The following OSBPL5 variants were observed in gnomAD, a reference collection of about 807,000 sequenced individuals.
OSBPL5 encodes oxysterol binding protein like 5.
A neutral mutation model predicts 111.2 loss-of-function variants in OSBPL5; 71 were observed. The ratio of observed to expected loss-of-function variants is 0.64; its 90% confidence interval spans 0.53 to 0.78. The LOEUF (loss-of-function observed/expected upper bound fraction) is 0.78, where lower values mean the gene tolerates loss of function less well. Among genes scored for constraint, OSBPL5 ranks in the 30% least tolerant of loss-of-function variants. The pLI, the probability that OSBPL5 is intolerant of heterozygous loss-of-function variation, is 0.00. For missense variants in OSBPL5, 1,210 were observed against 1,189.3 expected (o/e 1.02, Z -0.26); for synonymous variants, 549 against 513.9 (o/e 1.07, Z -0.93).
chr11:3,106,805 A>T lies in OSBPL5; in HGVS notation c.1059+458T>A, dbSNP rs187663555. Among the ~76,000 whole-genome samples, 2 of 152,186 alleles carry T rather than the reference A, an allele frequency of 1.3e-5. No individual in the cohort carries two copies. Among genetic ancestry groups the T allele is most frequent in the Admixed American group, 6.5e-5 (1 of 15,286 alleles). ...CCCATACACTGGGGGCCCAGAGCCC[A>T]GGTCTGTCTCATTCATGGCTCTCCC... On this transcript the variant is annotated intron_variant, in intron 9 of 21. Coordinates refer to ENST00000263650, the MANE Select transcript of OSBPL5 (RefSeq NM_020896.4). The surrounding 1 kb of genome is among the most constrained non-coding windows in gnomAD (Gnocchi z 8.4).
chr11:3,149,524 G>T (rs1316655231), intron 1 of OSBPL5, among the ~76,000 whole-genome samples: 1 of 152,224 alleles, frequency 6.6e-6, no homozygotes. Flanking sequence ...TGTGCCTGTG[G>T]CAGGGGTGCC....
chr11:3,143,398 G>A (rs970960925), intron 1 of OSBPL5, among the ~76,000 whole-genome samples: 4 of 152,188 alleles, frequency 2.6e-5, no homozygotes, highest in African/African-American at 7.2e-5. Context: ...GGTGGTCCGC[G>A]CACGCACGCT....
intron 1 of OSBPL5, among the ~76,000 whole-genome samples, chr11:3,153,309 C>G (rs2134547431): frequency 6.6e-6 from 1 of 152,330 alleles, no homozygotes; most frequent in East Asian, 1.9e-4. Context: ...TCAAAATTAG[C>G]TGTTATAATG....
rs1054476237 is a variant in OSBPL5, at chr11:3,110,845, T to C, written c.692-2900A>G. On this transcript the variant is annotated intron_variant, in intron 7 of 21. Transcript: ENST00000263650. This position sits in a 1 kb window ranked among gnomAD's most constrained non-coding sequence, Gnocchi z 5.3. ...TGTTCATCTTACATATGTTGGTTAATGTCTCATGTCTCCCTAAAACCAAAC... is the reference window on the plus strand; with the variant it reads ...TGTTCATCTTACATATGTTGGTTAACGTCTCATGTCTCCCTAAAACCAAAC... 6.6e-6 allele frequency among the ~76,000 whole-genome samples: 1 copy of C among 152,304 alleles called. No homozygotes were observed. The highest frequency in any genetic ancestry group is 3.4e-3 in the Middle Eastern group (1 of 294).
chr11:3,134,569 C>T (rs1406307479), intron 1 of OSBPL5, among the ~76,000 whole-genome samples: 2 of 152,210 alleles, frequency 1.3e-5, no homozygotes, highest in African/African-American at 4.8e-5. Flanking sequence ...CCTGCCCAGC[C>T]GCTCTTCTCA....
At chr11:3,091,955 C>T (rs559063822) in intron 19 of OSBPL5, among the ~76,000 whole-genome samples, 1 of 152,158 alleles carries the variant, frequency 6.6e-6, no homozygotes, top group Admixed American at 6.5e-5. Flanking sequence ...TTTGGCGCCA[C>T]CTGGTGGCCG....
In OSBPL5 at chr11:3,106,454, G is replaced by A. The variant is rs1012981215; in HGVS notation, c.1059+809C>T. 2.1e-5 allele frequency among the ~76,000 whole-genome samples: 3 copies of A among 144,558 alleles called. No individual in the cohort carries two copies. The highest frequency in any genetic ancestry group is 2.4e-4 in the South Asian group (1 of 4,178). 94.8% of individuals were successfully genotyped at this position (144,558 alleles called of 152,430 possible). Reference sequence around the variant, plus strand: ...AGCCCGGCTTCCTCAGCCTGCACCCGTCACCCAGCGGAAGCTTAGATCCTG... The same window carrying A: ...AGCCCGGCTTCCTCAGCCTGCACCCATCACCCAGCGGAAGCTTAGATCCTG... On this transcript the variant is annotated intron_variant, in intron 9 of 21. Transcript: ENST00000263650. The surrounding 1 kb of genome is among the most constrained non-coding windows in gnomAD (Gnocchi z 8.4).
chr11:3,163,539 G>A (rs1344588534), intron 1 of OSBPL5, among the ~76,000 whole-genome samples: 2 of 151,776 alleles, frequency 1.3e-5, no homozygotes, highest in Non-Finnish European at 2.9e-5. Context: ...TGGGGGGGGC[G>A]GTCTTGCGTT....
Position 3,119,589 on chromosome 11 carries a change from G to T in OSBPL5, c.649C>A (p.Pro217Thr). 6.3e-7 allele frequency: 1 copy of T among 1,577,992 alleles called. No homozygotes were observed. Among genetic ancestry groups the T allele is most frequent in the Non-Finnish European group, 8.6e-7 (1 of 1,166,650 alleles). ...GCCCTGAAGATCAGGTAGCTGCTGG[G>T]CAGGGGCTGTGTGATGGAGCCCACG... ...ESVGSITQPLPSSYLIFRAAS... is the reference protein window; with the variant it reads ...ESVGSITQPLTSSYLIFRAAS... The change falls in exon 7 of 22, where the codon CCC (proline) becomes ACC (threonine). Residue 217 changes from proline (P) to threonine (T), a missense_variant. Coordinates refer to ENST00000263650, the MANE Select transcript of OSBPL5 (RefSeq NM_020896.4).
At chr11:3,155,615 C>T (rs547344370) in intron 1 of OSBPL5, among the ~76,000 whole-genome samples, 1 of 150,468 alleles carries the variant, frequency 6.6e-6, no homozygotes, top group East Asian at 2.0e-4. Flanking sequence ...TGCCACTCAC[C>T]CCAGGTCTGC....
intron 14 of OSBPL5, among the ~76,000 whole-genome samples, chr11:3,097,362 A>G (rs1857310415): frequency 6.6e-6 from 1 of 152,134 alleles, no homozygotes; most frequent in African/African-American, 2.4e-5. Flanking sequence ...GGGAGAGTCA[A>G]GGAAACATTT....
Position 3,110,539 on chromosome 11 carries a change from A to G in OSBPL5, c.692-2594T>C, listed in dbSNP as rs536920363. Among the ~76,000 whole-genome samples, 5 of 152,276 alleles carry G rather than the reference A, an allele frequency of 3.3e-5. No homozygotes were observed. Among genetic ancestry groups the G allele is most frequent in the Admixed American group, 3.3e-4 (5 of 15,294 alleles). On this transcript the variant is annotated intron_variant, in intron 7 of 21. Transcript: ENST00000263650. The surrounding 1 kb of genome is among the most constrained non-coding windows in gnomAD (Gnocchi z 5.3). ...GTCTAATGTGGATGATAACAGTAGA[A>G]CCTGTTGTTTCAATGGTGCCTGGTG...
chr11:3,112,045 G>A (rs1323122252), intron 7 of OSBPL5, among the ~76,000 whole-genome samples: 6 of 66,548 alleles, frequency 9.0e-5, no homozygotes, highest in African/African-American at 2.0e-4. Flanking sequence ...ATGTGTGCGC[G>A]CATGTGTGTG....
In OSBPL5 at chr11:3,146,976, G is replaced by A. The variant is rs902505682; in HGVS notation, c.-21-17807C>T. Among the ~76,000 whole-genome samples, 1 of 152,150 alleles carries A rather than the reference G, an allele frequency of 6.6e-6. No individual in the cohort carries two copies. The highest frequency in any genetic ancestry group is 2.4e-5 in the African/African-American group (1 of 41,434). On this transcript the variant is annotated intron_variant, in intron 1 of 21. Coordinates refer to ENST00000263650, the MANE Select transcript of OSBPL5 (RefSeq NM_020896.4). The surrounding 1 kb of genome is among the most constrained non-coding windows in gnomAD (Gnocchi z 7.8). ...GCACGGGGGCCTTGGCAGCTGTCACGACCCTCCTGAGCTAAACGCACAGCC... is the reference window on the plus strand; with the variant it reads ...GCACGGGGGCCTTGGCAGCTGTCACAACCCTCCTGAGCTAAACGCACAGCC...
intron 1 of OSBPL5, among the ~76,000 whole-genome samples, chr11:3,132,549 C>A (rs1299126302): frequency 1.3e-5 from 2 of 152,250 alleles, no homozygotes; most frequent in East Asian, 1.9e-4. Context: ...GTTCCCCAAG[C>A]CCTCCCGCCA....
In OSBPL5 at chr11:3,141,517, G is replaced by T. The variant is rs909829337; in HGVS notation, c.-21-12348C>A. On this transcript the variant is annotated intron_variant, in intron 1 of 21. Transcript: ENST00000263650. This position sits in a 1 kb window ranked among gnomAD's most constrained non-coding sequence, Gnocchi z 6.5. ...GGACCCCCAATCTGTCTTCCGCTGT[G>T]GTGGAGAGCTTGCCAAAGTGTTCAG... Among the ~76,000 whole-genome samples, 1 of 152,210 alleles carries T rather than the reference G, an allele frequency of 6.6e-6. No individual in the cohort carries two copies. The highest frequency in any genetic ancestry group is 6.5e-5 in the Admixed American group (1 of 15,278).
chr11:3,108,067 G>A, intron 7 of OSBPL5, 122 bp from the exon 8 acceptor site: 1 of 1,311,926 alleles, frequency 7.6e-7, no homozygotes, highest in Non-Finnish European at 1.0e-6. Flanking sequence ...CTCCATCCCA[G>A]ACCCACCCCT....
rs954063630 is a variant in OSBPL5 at position 3,106,286 on chromosome 11, C to T, written c.1059+977G>A. On this transcript the variant is annotated intron_variant, in intron 9 of 21. Transcript: ENST00000263650. The surrounding 1 kb of genome is among the most constrained non-coding windows in gnomAD (Gnocchi z 8.4). The stretch of plus-strand genomic sequence containing the variant: ...GCAAGGAACGAATTCCCCTTTCCTG[C>T]TGAAACCGGGACTGCCCCTTGCCCT... 6.6e-6 allele frequency among the ~76,000 whole-genome samples: 1 copy of T among 152,182 alleles called. No homozygotes were observed. The highest frequency in any genetic ancestry group is 2.4e-5 in the African/African-American group (1 of 41,426).
At chr11:3,134,230 C>T (rs1845890268) in intron 1 of OSBPL5, among the ~76,000 whole-genome samples, 2 of 152,230 alleles carry the variant, frequency 1.3e-5, no homozygotes, top group African/African-American at 4.8e-5. Context: ...CTCCTGCTGT[C>T]ACCAGACAGG....
Sources: allele counts gnomAD v4.1 joint callset (sites outside exome capture counted in the v4.1 genomes callset), GRCh38; gene constraint gnomAD v4.1.1; non-coding constraint Gnocchi (gnomAD v3.1); transcripts MANE v1.5; gene names NCBI Gene and HGNC (gene_info 2026-07-23, HGNC 2026-07-21).